PPP2R1A: variants seen among roughly 807,000 people sequenced by gnomAD.
The protein encoded by PPP2R1A is serine/threonine-protein phosphatase 2A 65 kDa regulatory subunit A alpha isoform.
A neutral mutation model predicts 67.1 loss-of-function variants in PPP2R1A; 15 were observed. The ratio of observed to expected loss-of-function variants is 0.22; its 90% CI spans 0.15 to 0.34. PPP2R1A has a LOEUF of 0.34. Among genes scored for constraint, PPP2R1A ranks in the 10% least tolerant of loss-of-function variants. PPP2R1A has a pLI of 1.00. For missense variants in PPP2R1A, 369 were observed against 775.0 expected (o/e 0.48, Z 6.22); for synonymous variants, 337 against 325.0 (o/e 1.04, Z -0.40).
chr19:52,216,204 G>T lies in PPP2R1A; in HGVS notation c.993+130G>T. On this transcript the variant is annotated intron_variant, in intron 8 of 14. Transcript: ENST00000322088. The surrounding 1 kb of genome is among the most constrained non-coding windows in gnomAD (Gnocchi z 4.3). Reference sequence around the variant, plus strand: ...CCCTCTGGGACCAGGCAGCTCTTGGGTTTCAAGCAGTTAGGGGTCCTGACT... The same window carrying T: ...CCCTCTGGGACCAGGCAGCTCTTGGTTTTCAAGCAGTTAGGGGTCCTGACT... 9.7e-7 allele frequency: 1 copy of T among 1,031,922 alleles called. No homozygotes were observed. Among genetic ancestry groups the T allele is most frequent in the East Asian group, 2.5e-5 (1 of 39,554 alleles). The allele number at this position is 1,031,922 out of a possible 1,614,324, so 63.9% of individuals were successfully genotyped here.
chr19:52,217,904 T>G (rs1978680894), intron 9 of PPP2R1A, among the ~76,000 whole-genome samples: 1 of 151,782 alleles, frequency 6.6e-6, no homozygotes, highest in Non-Finnish European at 1.5e-5. Flanking sequence ...AGAGCCAGAA[T>G]AGAGTTGGTG....
rs75422986 is a variant in PPP2R1A, at chr19:52,193,041, G to A, written c.78+2867G>A. On this transcript the variant is annotated intron_variant, in intron 1 of 14. Coordinates refer to ENST00000322088, the MANE Select transcript of PPP2R1A (RefSeq NM_014225.6). ...AACCATCTGCGTAACAAATTATTGG[G>A]TGCTTGCTCTATGTTAGGTACAGTA... Among the ~76,000 whole-genome samples, 262 of 152,320 alleles carry A rather than the reference G, an allele frequency of 1.7e-3. 2 individuals are homozygous for A. The highest frequency in any genetic ancestry group is 3.4e-3 in the Middle Eastern group (1 of 294).
At chr19:52,194,289 G>A (rs2089479655) in intron 1 of PPP2R1A, among the ~76,000 whole-genome samples, 1 of 152,008 alleles carries the variant, frequency 6.6e-6, no homozygotes, top group African/African-American at 2.4e-5. Context: ...GGCCAGGAGT[G>A]GGAGGATGCT....
Position 52,226,581 on chromosome 19 carries a change from G to C in PPP2R1A, c.*600G>C, listed in dbSNP as rs1979279318. On this transcript the variant is annotated 3_prime_UTR_variant, in exon 15 of 15. Transcript: ENST00000322088. ...CCCCCCAGGAGTGCTGCTGGCCTTT[G>C]GGGTAGAGGGTCCATGAGGTGCTCT... is the stretch of plus-strand genomic sequence containing the variant. The C allele has an allele frequency of 1.0e-5, 2 of 193,600 alleles. No individual in the cohort carries two copies. Among genetic ancestry groups the C allele is most frequent in the African/African-American group, 2.3e-5 (1 of 43,040 alleles). The allele number at this position is 193,600 out of a possible 1,614,324, so 12.0% of individuals were successfully genotyped here.
rs1357795572 is a variant in PPP2R1A at position 52,221,059 on chromosome 19, A to G, written c.1444A>G (p.Ile482Val). The stretch of plus-strand genomic sequence containing the variant: ...TGGGAAGGAGTGGGCCCATGCCACA[A>G]TCATCCCCAAGGTCTTGGCCATGTC... ...KFGKEWAHAT[I>V]IPKVLAMSGD... The change falls in exon 12 of 15, where the codon ATC (isoleucine) becomes GTC (valine). Residue 482 changes from isoleucine (I) to valine (V), a missense_variant. Transcript: ENST00000322088. 1.2e-6 allele frequency: 2 copies of G among 1,614,204 alleles called. No homozygotes were observed. Among genetic ancestry groups the G allele is most frequent in the Middle Eastern group, 1.7e-4 (1 of 6,060 alleles).
chr19:52,196,422 A>G (rs1020499710), intron 1 of PPP2R1A, among the ~76,000 whole-genome samples: 1 of 152,186 alleles, frequency 6.6e-6, no homozygotes, highest in East Asian at 1.9e-4. Flanking sequence ...TGTTTTGGTT[A>G]TAAGATTCCA....
At chr19:52,200,635 G>T (rs2089538059) in intron 1 of PPP2R1A, among the ~76,000 whole-genome samples, 1 of 152,188 alleles carries the variant, frequency 6.6e-6, no homozygotes, top group African/African-American at 2.4e-5. Flanking sequence ...CTGGAGGCCG[G>T]AAGTCTGAAA....
At chr19:52,218,813 A>G (rs1978740335) in intron 9 of PPP2R1A, among the ~76,000 whole-genome samples, 1 of 152,050 alleles carries the variant, frequency 6.6e-6, no homozygotes, top group Non-Finnish European at 1.5e-5. Context: ...GGACTGGAGC[A>G]TTTTTTGCTC....
At position 52,216,549 on chromosome 19, in the gene PPP2R1A, C is replaced by T. The variant is rs1032440574; in HGVS notation, c.1014C>T (p.Asn338=). 7.4e-6 allele frequency: 12 copies of T among 1,614,040 alleles called. No individual in the cohort carries two copies. Among genetic ancestry groups the T allele is most frequent in the Non-Finnish European group, 8.5e-6 (10 of 1,180,054 alleles). The change falls in exon 9 of 15, where the codon AAC becomes AAT. Residue 338 remains asparagine, a synonymous_variant. Transcript: ENST00000322088. This position sits in a 1 kb window ranked among gnomAD's most constrained non-coding sequence, Gnocchi z 4.3. ...PCIKELVSDA[N]QHVKSALASV... Reference sequence around the variant, plus strand: ...CCCAGGAGCTGGTGTCCGATGCCAACCAACATGTCAAGTCTGCCCTGGCCT... The same window carrying T: ...CCCAGGAGCTGGTGTCCGATGCCAATCAACATGTCAAGTCTGCCCTGGCCT...
intron 2 of PPP2R1A, among the ~76,000 whole-genome samples, chr19:52,204,182 A>T (rs1405616859): frequency 6.6e-6 from 1 of 152,226 alleles, no homozygotes; most frequent in Non-Finnish European, 1.5e-5. Context: ...GCAGTGAGGT[A>T]GCCATGGGTT....
intron 2 of PPP2R1A, 72 bp from the exon 3 acceptor site, chr19:52,205,891 C>T (rs1003867948): frequency 2.7e-5 from 33 of 1,239,566 alleles, no homozygotes; most frequent in Non-Finnish European, 3.9e-5. Flanking sequence ...AGAATGGAGT[C>T]CATGTGTTCT....
intron 1 of PPP2R1A, among the ~76,000 whole-genome samples, chr19:52,194,088 C>CAA (rs915576804): frequency 0.016 from 984 of 59,806 alleles, 12 homozygotes; most frequent in East Asian, 0.05. Context: ...ACCCTGTCTC[C>CAA]AAAAAAAAAA....
intron 1 of PPP2R1A, among the ~76,000 whole-genome samples, chr19:52,193,147 G>A (rs2089469628): frequency 6.6e-6 from 1 of 152,228 alleles, no homozygotes; most frequent in Admixed American, 6.5e-5. Flanking sequence ...ACATTTTCCA[G>A]ATGAGGAAAC....
intron 1 of PPP2R1A, among the ~76,000 whole-genome samples, chr19:52,192,290 G>A (rs1473345274): frequency 6.6e-6 from 1 of 151,654 alleles, no homozygotes; most frequent in Non-Finnish European, 1.5e-5. Context: ...GAACAGATAT[G>A]TAATGGCCTT....
intron 11 of PPP2R1A, among the ~76,000 whole-genome samples, chr19:52,220,490 A>G (rs1482328503): frequency 6.6e-6 from 1 of 152,176 alleles, no homozygotes; most frequent in South Asian, 2.1e-4. Flanking sequence ...CTGAGCAGCC[A>G]GACCAGGGTT....
In PPP2R1A at chr19:52,228,400, G is replaced by A. The variant is rs959133642; in HGVS notation, c.*2419G>A. The A allele has an allele frequency of 5.3e-5, 8 of 152,200 alleles. No homozygotes were observed. Among genetic ancestry groups the A allele is most frequent in the African/African-American group, 1.9e-4 (8 of 41,432 alleles). The allele number at this position is 152,200 out of a possible 1,614,324, so 9.4% of individuals were successfully genotyped here. On this transcript the variant is annotated 3_prime_UTR_variant, in exon 15 of 15. Coordinates refer to ENST00000322088, the MANE Select transcript of PPP2R1A (RefSeq NM_014225.6). ...AGAAGCAGAGCCCGAGTGGAGACTC[G>A]TTCAAGTGTGTTACTGAGGGAGTGC... is the stretch of plus-strand genomic sequence containing the variant.
At chr19:52,222,858 T>C (rs1002559296) in intron 13 of PPP2R1A, among the ~76,000 whole-genome samples, 2 of 152,158 alleles carry the variant, frequency 1.3e-5, no homozygotes, top group Non-Finnish European at 2.9e-5. Context: ...GCCTGGGCGA[T>C]AGAGCGAGAC....
chr19:52,218,847 A>G (rs535481595), intron 9 of PPP2R1A, among the ~76,000 whole-genome samples: 10 of 152,184 alleles, frequency 6.6e-5, no homozygotes, highest in Non-Finnish European at 1.5e-4. Flanking sequence ...AGCAAGCGCT[A>G]TATGGTAATC....
At position 52,226,472 on chromosome 19, in the gene PPP2R1A, C is replaced by T. The variant is rs772817555; in HGVS notation, c.*491C>T. ...TGGAGGAGGGGGCACCACCCCAGAG[C>T]CACAACATCTGCGCTTTTCTCTGGA... On this transcript the variant is annotated 3_prime_UTR_variant, in exon 15 of 15. Transcript: ENST00000322088. 37 of 245,266 alleles carry T rather than the reference C, an allele frequency of 1.5e-4. No individual in the cohort carries two copies. The highest frequency in any genetic ancestry group is 2.2e-4 in the Non-Finnish European group (28 of 125,922). 15.2% of individuals were successfully genotyped at this position (245,266 alleles called of 1,614,324 possible).
Sources: gnomAD v4.1 joint callset for allele counts (sites outside exome capture counted in the v4.1 genomes callset) on GRCh38, gnomAD v4.1.1 for gene constraint, Gnocchi (gnomAD v3.1) non-coding constraint, MANE v1.5 for transcripts, NCBI Gene and HGNC (gene_info 2026-07-23, HGNC 2026-07-21) for gene names.